Variants in FHIT observed in about 807,000 individuals in gnomAD.
FHIT encodes fragile histidine triad diadenosine triphosphatase, also known as bis(5'-adenosyl)-triphosphatase.
A neutral mutation model predicts 17.9 loss-of-function variants in FHIT; 19 were observed. That is an observed-to-expected ratio of 1.06 (90% confidence interval 0.74 to 1.56). The LOEUF is 1.56. FHIT is among the 40% of genes most tolerant of loss of function. The probability of loss-of-function intolerance (pLI) is 0.00; values close to 1 mark genes in which losing one functional copy is unlikely to be tolerated. For missense variants in FHIT, 248 were observed against 189.2 expected (o/e 1.31, Z -1.82); for synonymous variants, 81 against 69.7 (o/e 1.16, Z -0.81).
chr3:60,809,755 C>T (rs1480780763), intron 4 of FHIT, among the ~76,000 whole-genome samples: 1 of 152,046 alleles, frequency 6.6e-6, no homozygotes, highest in African/African-American at 2.4e-5. Flanking sequence ...CTTTAGAAAA[C>T]ATTAGTTGAT....
At chr3:60,025,414 A>G (rs1700703827) in intron 5 of FHIT, among the ~76,000 whole-genome samples, 1 of 152,208 alleles carries the variant, frequency 6.6e-6, no homozygotes, top group Non-Finnish European at 1.5e-5. Context: ...CCCCAAGAGA[A>G]TGATTAGAAA....
intron 4 of FHIT, among the ~76,000 whole-genome samples, chr3:60,717,356 T>A (rs2041707693): frequency 6.6e-6 from 1 of 152,216 alleles, no homozygotes; most frequent in Admixed American, 6.5e-5. Flanking sequence ...ATGATGGATA[T>A]GTTAATTAGC....
intron 8 of FHIT, among the ~76,000 whole-genome samples, chr3:59,784,168 G>T (rs1471699525): frequency 6.6e-6 from 1 of 152,160 alleles, no homozygotes; most frequent in Admixed American, 6.5e-5. Flanking sequence ...GAGCACCTAT[G>T]ATATCCCTCA....
chr3:60,886,668 A>T (rs1705235527), intron 3 of FHIT, among the ~76,000 whole-genome samples: 1 of 152,198 alleles, frequency 6.6e-6, no homozygotes, highest in African/African-American at 2.4e-5. Context: ...AACAAATTCC[A>T]AGTACTCATT....
At chr3:60,988,993 T>C (rs892098659) in intron 3 of FHIT, among the ~76,000 whole-genome samples, 1 of 128,532 alleles carries the variant, frequency 7.8e-6, no homozygotes, top group Non-Finnish European at 1.6e-5. Context: ...ATTTGGTAAC[T>C]GAGTAGAGAC....
chr3:61,146,817 A>G (rs927892280), intron 2 of FHIT, among the ~76,000 whole-genome samples: 3 of 152,074 alleles, frequency 2.0e-5, no homozygotes, highest in African/African-American at 7.2e-5. Context: ...GACATACATC[A>G]AAGTCAAAAA....
chr3:61,031,987 GA>G (rs2033030667), intron 3 of FHIT, among the ~76,000 whole-genome samples: 1 of 152,190 alleles, frequency 6.6e-6, no homozygotes. Context: ...GCCGGTGAGT[GA>G]ATCAACTGGC....
intron 8 of FHIT, among the ~76,000 whole-genome samples, chr3:59,904,061 ACTT>A (rs1704462945): frequency 6.6e-6 from 1 of 151,950 alleles, no homozygotes; most frequent in Non-Finnish European, 1.5e-5. Context: ...AATAGTGGCT[ACTT>A]CTTTTTTTTT....
intron 2 of FHIT, among the ~76,000 whole-genome samples, chr3:61,065,216 G>A (rs931115043): frequency 9.9e-5 from 15 of 151,882 alleles, no homozygotes; most frequent in African/African-American, 3.4e-4. Context: ...AGTGAGTAAT[G>A]TGATCAACTT....
intron 2 of FHIT, among the ~76,000 whole-genome samples, chr3:61,069,676 C>G (rs970731533): frequency 6.6e-6 from 1 of 152,176 alleles, no homozygotes; most frequent in African/African-American, 2.4e-5. Flanking sequence ...AGAATAGCAT[C>G]CTTTCTTAAC....
intron 5 of FHIT, among the ~76,000 whole-genome samples, chr3:60,295,420 G>T (rs549815673): frequency 6.6e-6 from 1 of 152,108 alleles, no homozygotes; most frequent in African/African-American, 2.4e-5. Flanking sequence ...AGGAGAAGGG[G>T]AGCCAGCATG....
At chr3:60,200,230 A>T (rs78723984) in intron 5 of FHIT, among the ~76,000 whole-genome samples, 4,249 of 152,238 alleles carry the variant, frequency 0.028, 80 homozygotes, top group Non-Finnish European at 0.043. Flanking sequence ...CGTGCTAATG[A>T]GAGTTCTGTT....
chr3:60,738,862 A>G (rs1250456336), intron 4 of FHIT, among the ~76,000 whole-genome samples: 3 of 152,204 alleles, frequency 2.0e-5, no homozygotes, highest in Non-Finnish European at 2.9e-5. Flanking sequence ...TAAGTGGGGC[A>G]TTTCTGTTTT....
intron 5 of FHIT, among the ~76,000 whole-genome samples, chr3:60,361,414 A>G (rs777005626): frequency 1.1e-4 from 17 of 152,168 alleles, no homozygotes; most frequent in South Asian, 2.1e-4. Context: ...CCTGTGTTTT[A>G]TAAGTAAAAG....
At chr3:61,049,724 T>A (rs2033955567) in intron 2 of FHIT, among the ~76,000 whole-genome samples, 1 of 152,138 alleles carries the variant, frequency 6.6e-6, no homozygotes, top group Non-Finnish European at 1.5e-5. Flanking sequence ...AGGACATGCT[T>A]TCCTAAAATA....
At chr3:61,214,305 TA>T (rs1230382233) in intron 1 of FHIT, among the ~76,000 whole-genome samples, 2 of 151,988 alleles carry the variant, frequency 1.3e-5, no homozygotes, top group Non-Finnish European at 2.9e-5. Flanking sequence ...ATAGACGCAG[TA>T]AAAAATGATA....
At chr3:60,696,026 T>G (rs782018004) in intron 4 of FHIT, among the ~76,000 whole-genome samples, 1 of 152,144 alleles carries the variant, frequency 6.6e-6, no homozygotes, top group Non-Finnish European at 1.5e-5. Flanking sequence ...CCACTCTGTA[T>G]GCAAACAAAG....
chr3:60,748,469 C>T (rs2042402056), intron 4 of FHIT, among the ~76,000 whole-genome samples: 1 of 152,138 alleles, frequency 6.6e-6, no homozygotes, highest in African/African-American at 2.4e-5. Context: ...GTTCACATTC[C>T]TTATATAAAA....
intron 8 of FHIT, among the ~76,000 whole-genome samples, chr3:59,836,033 T>C (rs1701327159): frequency 6.6e-6 from 1 of 152,126 alleles, no homozygotes; most frequent in Non-Finnish European, 1.5e-5. Flanking sequence ...TCACTCCCCA[T>C]AGTACCTTAA....
Sources: gnomAD v4.1 joint callset for allele counts (sites outside exome capture counted in the v4.1 genomes callset) on GRCh38, gnomAD v4.1.1 for gene constraint, MANE v1.5 for transcripts, NCBI Gene and HGNC (gene_info 2026-07-23, HGNC 2026-07-21) for gene names.